RAPH1: variants seen among roughly 807,000 people sequenced by gnomAD.
RAPH1 encodes the protein ras-associated and pleckstrin homology domains-containing protein 1.
RAPH1 carries 18 observed loss-of-function variants against 88.1 expected under a neutral mutation model. The observed-to-expected ratio is 0.20, with a 90% CI of 0.14 to 0.30. The LOEUF (loss-of-function observed/expected upper bound fraction) is 0.30. RAPH1 is among the 10% of genes least tolerant of loss of function. The probability of loss-of-function intolerance (pLI) is 1.00; values close to 1 mark genes in which losing one functional copy is unlikely to be tolerated. For synonymous variants in RAPH1, 587 were observed against 559.0 expected (o/e 1.05, Z -0.71); for missense variants, 1,448 against 1,543.2 (o/e 0.94, Z 1.03).
chr2:203,513,743 G>A lies in RAPH1; in HGVS notation c.1-18390C>T, dbSNP rs1338441957. The stretch of plus-strand genomic sequence containing the variant: ...CCAGCTACTCGGGAGGCTGAGGCAG[G>A]AGAATTGCTTAAGCCTGGGAGGTAG... On this transcript the variant is annotated intron_variant, in intron 1 of 13. Transcript: ENST00000319170. Among the ~76,000 whole-genome samples the A allele has an allele frequency of 2.7e-5, 4 of 146,590 alleles. No individual in the cohort carries two copies. In the East Asian group the frequency reaches 9.1e-4, roughly 33 times the overall value.
intron 6 of RAPH1, among the ~76,000 whole-genome samples, chr2:203,460,940 C>T (rs932366406): frequency 2.6e-5 from 4 of 151,358 alleles, no homozygotes; most frequent in African/African-American, 9.7e-5. Flanking sequence ...CAGGTGAAAC[C>T]CCATCTCTAC....
chr2:203,441,028 G>T lies in RAPH1; in HGVS notation c.2162C>A (p.Pro721Gln). The change falls in exon 14 of 14, where the codon CCA becomes CAA. Residue 721 changes from proline to glutamine, a missense_variant. By Grantham distance (76) the Pro-to-Gln change is moderately conservative. Around this residue, in one of 2 missense-constraint regions of RAPH1, gnomAD observed 935 missense variants for 890.1 expected, o/e 1.05. Transcript: ENST00000319170. ...CTTTAGCTGGGCCATGGCAGAGCCT[G>T]GGGTTGGGGGTGGAGGAGGGGGAGG... is the stretch of plus-strand genomic sequence containing the variant. ...PPPPPPPPPT[P>Q]GSAMAQLKPA... 1 of 1,535,088 alleles carries T rather than the reference G, an allele frequency of 6.5e-7. No individual in the cohort carries two copies. Among genetic ancestry groups the T allele is most frequent in the Non-Finnish European group, 8.9e-7 (1 of 1,128,048 alleles).
chr2:203,492,898 A>T (rs1407249367), intron 2 of RAPH1, among the ~76,000 whole-genome samples: 1 of 152,146 alleles, frequency 6.6e-6, no homozygotes, highest in African/African-American at 2.4e-5. Flanking sequence ...ATGCACATAC[A>T]TAAAAAACTT....
chr2:203,505,648 T>C (rs1400750154), intron 1 of RAPH1, among the ~76,000 whole-genome samples: 1 of 152,168 alleles, frequency 6.6e-6, no homozygotes, highest in Non-Finnish European at 1.5e-5. Flanking sequence ...CCATAAAGCA[T>C]TATCTGAAAC....
At chr2:203,501,866 A>G (rs960356115) in intron 1 of RAPH1, among the ~76,000 whole-genome samples, 1 of 151,594 alleles carries the variant, frequency 6.6e-6, no homozygotes, top group African/African-American at 2.4e-5. Flanking sequence ...CTGTAACTTC[A>G]AAGAACATTA....
intron 2 of RAPH1, among the ~76,000 whole-genome samples, chr2:203,493,069 A>G (rs1449785423): frequency 1.3e-5 from 2 of 152,232 alleles, no homozygotes; most frequent in East Asian, 3.8e-4. Context: ...TTTTAGCCAC[A>G]AACTTTGTAA....
intron 1 of RAPH1, among the ~76,000 whole-genome samples, chr2:203,507,148 C>T (rs573407919): frequency 3.3e-5 from 5 of 151,216 alleles, no homozygotes; most frequent in East Asian, 1.9e-4. Context: ...ACGCCCACCT[C>T]GGCCTCCCAA....
chr2:203,478,975 C>T (rs1687600655), intron 4 of RAPH1, among the ~76,000 whole-genome samples: 1 of 152,196 alleles, frequency 6.6e-6, no homozygotes, highest in South Asian at 2.1e-4. Flanking sequence ...TCAATTACTA[C>T]ATCAACAGGA....
chr2:203,443,151 G>A (rs925441258), intron 13 of RAPH1: 1 of 152,158 alleles, frequency 6.6e-6, no homozygotes, highest in South Asian at 2.1e-4. Context: ...CCCTGCGGGA[G>A]CCCAGTTAGT....
In RAPH1 at chr2:203,448,802, T is replaced by C. The variant is rs781149608; in HGVS notation, c.1448A>G (p.Lys483Arg). Residue 483 changes from lysine to arginine, a missense_variant, in exon 11 of 14, where the codon AAA becomes AGA. This residue lies in a region of RAPH1 where 513 missense variants were observed against 653.1 expected (regional missense o/e 0.79). Coordinates refer to ENST00000319170, the MANE Select transcript of RAPH1 (RefSeq NM_213589.3). This position sits in a 1 kb window ranked among gnomAD's most constrained non-coding sequence, Gnocchi z 4.1. ...PQIQKKSQYI[K>R]YLCCDDVRTL... ...CCTCACATCATCACAACAAAGGTAT[T>C]TGATATATTGAGATTTCTTCTGGAT... 16 of 1,611,546 alleles carry C rather than the reference T, an allele frequency of 9.9e-6. No individual in the cohort carries two copies. Among genetic ancestry groups the C allele is most frequent in the South Asian group, 7.7e-5 (7 of 90,512 alleles).
intron 13 of RAPH1, chr2:203,441,651 T>C (rs1423439119): frequency 7.6e-7 from 1 of 1,322,228 alleles, no homozygotes. Context: ...AGCTAGACCA[T>C]CTAACAATCT....
intron 1 of RAPH1, among the ~76,000 whole-genome samples, chr2:203,497,629 A>C (rs1183211028): frequency 6.6e-6 from 1 of 152,142 alleles, no homozygotes; most frequent in Non-Finnish European, 1.5e-5. Flanking sequence ...GCTAACCAAT[A>C]TCTCTAATAA....
At chr2:203,465,154 A>G (rs1220202972) in intron 4 of RAPH1, among the ~76,000 whole-genome samples, 1 of 152,244 alleles carries the variant, frequency 6.6e-6, no homozygotes, top group Non-Finnish European at 1.5e-5. Flanking sequence ...GTATTTACCC[A>G]AATGAGTTGA....
chr2:203,472,811 A>C (rs1263955443), intron 4 of RAPH1, among the ~76,000 whole-genome samples: 2 of 152,220 alleles, frequency 1.3e-5, no homozygotes, highest in Non-Finnish European at 2.9e-5. Context: ...AGATTTAATC[A>C]GTTCTCAAAC....
intron 1 of RAPH1, among the ~76,000 whole-genome samples, chr2:203,526,333 G>A (rs754064439): frequency 4.7e-4 from 71 of 152,120 alleles, no homozygotes; most frequent in Non-Finnish European, 8.7e-4. Context: ...ATTTCACTTT[G>A]CTGAAATTAT....
chr2:203,481,009 G>A (rs1355033618), intron 4 of RAPH1, among the ~76,000 whole-genome samples: 1 of 152,146 alleles, frequency 6.6e-6, no homozygotes, highest in Non-Finnish European at 1.5e-5. Flanking sequence ...GTGGGAACCT[G>A]CCAGCCCTCA....
intron 1 of RAPH1, among the ~76,000 whole-genome samples, chr2:203,506,890 A>AT (rs1372150583): frequency 1.9e-5 from 2 of 103,306 alleles, no homozygotes; most frequent in African/African-American, 1.1e-4. Flanking sequence ...AGATATATAT[A>AT]TATATATATT....
intron 1 of RAPH1, among the ~76,000 whole-genome samples, chr2:203,516,648 C>G (rs1402247410): frequency 6.6e-6 from 1 of 152,052 alleles, no homozygotes; most frequent in East Asian, 1.9e-4. Context: ...ACTTGGGAGG[C>G]TTGAACCTGG....
intron 2 of RAPH1, among the ~76,000 whole-genome samples, chr2:203,493,452 T>G (rs930759286): frequency 1.3e-5 from 2 of 152,182 alleles, no homozygotes; most frequent in African/African-American, 4.8e-5. Context: ...CTTTTCTCCA[T>G]GCATTATCAT....
Sources: allele counts gnomAD v4.1 joint callset (sites outside exome capture counted in the v4.1 genomes callset), GRCh38; gene constraint gnomAD v4.1.1; regional missense constraint gnomAD v4.1.1; non-coding constraint Gnocchi (gnomAD v3.1); transcripts MANE v1.5; gene names NCBI Gene and HGNC (gene_info 2026-07-23, HGNC 2026-07-21).